Variants in IPCEF1 observed in about 807,000 individuals in gnomAD.
IPCEF1 encodes interactor protein for cytohesin exchange factors 1.
In IPCEF1, 31 loss-of-function variants were observed where a neutral mutation model predicts 50.9. That is an observed-to-expected ratio of 0.61 (90% CI 0.46 to 0.82). The LOEUF (loss-of-function observed/expected upper bound fraction) is 0.82. Among genes scored for constraint, IPCEF1 ranks in the 40% least tolerant of loss-of-function variants. IPCEF1 has a pLI of 0.00. For missense variants in IPCEF1, 458 were observed against 514.0 expected, an observed-to-expected ratio of 0.89 and a Z score of 1.05; for synonymous variants, 181 against 192.0, an observed-to-expected ratio of 0.94 and a Z score of 0.47.
At position 154,168,007 on chromosome 6, in the gene IPCEF1, C is replaced by A; in HGVS notation, c.1017G>T (p.Glu339Asp). 6.2e-7 allele frequency: 1 copy of A among 1,612,048 alleles called. No homozygotes were observed. The change falls in exon 11 of 12, where the codon GAG (glutamate) becomes GAT (aspartate). Residue 339 changes from glutamate to aspartate, a missense_variant. Coordinates refer to ENST00000367220, the MANE Select transcript of IPCEF1 (RefSeq NM_001130700.2). This position sits in a 1 kb window ranked among gnomAD's most constrained non-coding sequence, Gnocchi z 4.1. The part of the protein sequence containing the change: ...LGDRRPSTKK[E>D]LRKSFVKRCK... ...ACCGCTTAACAAAGGATTTTCTCAA[C>A]TCCTTTTTAGTCGAAGGTCGTCGGT...
chr6:154,301,057 C>T (rs1782782389), intron 1 of IPCEF1, among the ~76,000 whole-genome samples: 1 of 152,190 alleles, frequency 6.6e-6, no homozygotes, highest in Non-Finnish European at 1.5e-5. Flanking sequence ...AGTCAATTAT[C>T]TTGGCACATA....
chr6:154,340,468 C>T (rs911567720), intron 1 of IPCEF1, among the ~76,000 whole-genome samples: 2 of 151,858 alleles, frequency 1.3e-5, no homozygotes, highest in Non-Finnish European at 2.9e-5. Context: ...CCAGGCTAGT[C>T]TCAAACTCCT....
intron 1 of IPCEF1, among the ~76,000 whole-genome samples, chr6:154,324,036 C>T (rs886247738): frequency 6.6e-6 from 1 of 152,184 alleles, no homozygotes. Context: ...GTGATGGGTA[C>T]AGTGGGACTT....
intron 5 of IPCEF1, among the ~76,000 whole-genome samples, chr6:154,245,712 T>C (rs911123454): frequency 1.3e-5 from 2 of 152,166 alleles, no homozygotes; most frequent in Non-Finnish European, 1.5e-5. Context: ...CCTCCAGTGC[T>C]GATCTTCACA....
chr6:154,256,917 G>C (rs1397431216), intron 3 of IPCEF1, among the ~76,000 whole-genome samples: 1 of 152,150 alleles, frequency 6.6e-6, no homozygotes, highest in Admixed American at 6.5e-5. Flanking sequence ...TTATAAAATA[G>C]GTTTGTGTTA....
At chr6:154,320,954 A>G (rs1438036007) in intron 1 of IPCEF1, among the ~76,000 whole-genome samples, 1 of 152,180 alleles carries the variant, frequency 6.6e-6, no homozygotes, top group African/African-American at 2.4e-5. Flanking sequence ...TGTTGTTGCG[A>G]CAGGATCTTG....
chr6:154,296,745 C>T (rs952585605), intron 1 of IPCEF1, among the ~76,000 whole-genome samples: 3 of 150,738 alleles, frequency 2.0e-5, no homozygotes, highest in African/African-American at 4.9e-5. Context: ...AGGAGAATGG[C>T]GTGAACCCAG....
At chr6:154,334,364 T>C (rs1047078160) in intron 1 of IPCEF1, among the ~76,000 whole-genome samples, 1 of 152,178 alleles carries the variant, frequency 6.6e-6, no homozygotes, top group African/African-American at 2.4e-5. Flanking sequence ...CAGTTCCCCA[T>C]CCATAAAGTG....
At chr6:154,296,838 A>G (rs1405792532) in intron 1 of IPCEF1, among the ~76,000 whole-genome samples, 2 of 149,374 alleles carry the variant, frequency 1.3e-5, no homozygotes, top group Non-Finnish European at 1.5e-5. Context: ...CAAAAAAAAA[A>G]AAAAAGAAAA....
chr6:154,353,407 C>A (rs550574642), intron 1 of IPCEF1, among the ~76,000 whole-genome samples: 1 of 150,986 alleles, frequency 6.6e-6, no homozygotes, highest in East Asian at 2.0e-4. Flanking sequence ...TGTGCCTCAG[C>A]CTCTTGAGTA....
chr6:154,171,404 T>C (rs1378388836), intron 10 of IPCEF1, among the ~76,000 whole-genome samples: 1 of 152,080 alleles, frequency 6.6e-6, no homozygotes, highest in Non-Finnish European at 1.5e-5. Context: ...TTATATGAAA[T>C]GTCCAGATTA....
At position 154,232,969 on chromosome 6, in the gene IPCEF1, C is replaced by CTT. The variant is rs780567029; in HGVS notation, c.247-9728_247-9727dup. On this transcript the variant is annotated intron_variant, in intron 5 of 11. Transcript: ENST00000367220. ...ATGTAAAATAAGCCTTTTTTCTTTT[C>CTT]TTTTTTTTTTTTTTTTGAGATGGAG... 7.3e-4 allele frequency among the ~76,000 whole-genome samples: 98 copies of CTT among 134,578 alleles called. 1 individual carries two copies. The South Asian group carries it at 9.5e-3, about 13-fold the overall frequency. The allele number at this position is 134,578 out of a possible 152,430, so 88.3% of individuals were successfully genotyped here.
intron 10 of IPCEF1, among the ~76,000 whole-genome samples, chr6:154,183,910 AACAAAAAACAAAGCAAAACAAAAAAC>A (rs1166760116): frequency 6.6e-6 from 1 of 152,148 alleles, no homozygotes. Flanking sequence ...AAACAAAAAA[AACAAAAAACAAAGCAAAACAAAAAAC>A]ACAAACAGGA....
chr6:154,331,404 A>AG (rs1783663134), intron 1 of IPCEF1, among the ~76,000 whole-genome samples: 1 of 134,366 alleles, frequency 7.4e-6, no homozygotes, highest in African/African-American at 2.7e-5. Context: ...AGAAAGAAAG[A>AG]AAGAGAGAGA....
At chr6:154,340,501 T>G (rs1260612561) in intron 1 of IPCEF1, among the ~76,000 whole-genome samples, 1 of 151,610 alleles carries the variant, frequency 6.6e-6, no homozygotes, top group African/African-American at 2.4e-5. Context: ...TCTGCCCACC[T>G]CAGCCCTCCC....
intron 1 of IPCEF1, among the ~76,000 whole-genome samples, chr6:154,322,179 C>A (rs558945596): frequency 3.5e-4 from 53 of 152,232 alleles, no homozygotes; most frequent in African/African-American, 1.3e-3. Context: ...AAACAAAAAA[C>A]CTTCAGGCAT....
chr6:154,347,549 G>A (rs1170681977), intron 1 of IPCEF1, among the ~76,000 whole-genome samples: 2 of 152,258 alleles, frequency 1.3e-5, no homozygotes, highest in Non-Finnish European at 2.9e-5. Context: ...AGCCAGTGGG[G>A]CTGGGGAAGC....
At chr6:154,280,743 G>C (rs1438692805) in intron 2 of IPCEF1, among the ~76,000 whole-genome samples, 1 of 152,216 alleles carries the variant, frequency 6.6e-6, no homozygotes, top group Non-Finnish European at 1.5e-5. Context: ...TTATTTATTG[G>C]AATGGGTACA....
At chr6:154,304,447 T>C (rs929424647) in intron 1 of IPCEF1, among the ~76,000 whole-genome samples, 1 of 152,102 alleles carries the variant, frequency 6.6e-6, no homozygotes, top group Admixed American at 6.5e-5. Flanking sequence ...TAGCATGAAT[T>C]ATTACAGGAA....
Sources: gnomAD v4.1 joint callset for allele counts (sites outside exome capture counted in the v4.1 genomes callset) on GRCh38, gnomAD v4.1.1 for gene constraint, Gnocchi (gnomAD v3.1) non-coding constraint, MANE v1.5 for transcripts, NCBI Gene and HGNC (gene_info 2026-07-23, HGNC 2026-07-21) for gene names.